CABCOCO1: variants seen among roughly 807,000 people sequenced by gnomAD.
The protein encoded by CABCOCO1 is ciliary associated calcium binding coiled-coil 1, also known as ciliary-associated calcium-binding coiled-coil protein 1.
CABCOCO1 carries 28 observed loss-of-function variants against 35.7 expected under a neutral mutation model. The observed-to-expected ratio is 0.78, with a 90% CI of 0.58 to 1.07. The LOEUF (loss-of-function observed/expected upper bound fraction) is 1.07, where lower values mean the gene tolerates loss of function less well. CABCOCO1 is among the 50% of genes least tolerant of loss of function. CABCOCO1 has a pLI of 0.00. For missense variants in CABCOCO1, 326 were observed against 309.2 expected, an observed-to-expected ratio of 1.05 and a Z score of -0.41; for synonymous variants, 95 against 100.1, an observed-to-expected ratio of 0.95 and a Z score of 0.30.
intron 5 of CABCOCO1, among the ~76,000 whole-genome samples, chr10:61,739,856 C>T (rs1446372406): frequency 2.0e-5 from 3 of 152,130 alleles, no homozygotes; most frequent in African/African-American, 7.2e-5. Context: ...GCAGGAGAAT[C>T]GCTTGAACCC....
At chr10:61,694,723 A>T (rs930724883) in intron 5 of CABCOCO1, among the ~76,000 whole-genome samples, 1 of 152,102 alleles carries the variant, frequency 6.6e-6, no homozygotes, top group Non-Finnish European at 1.5e-5. Flanking sequence ...ATGGGCATCT[A>T]CAAGTTTGGA....
chr10:61,720,520 C>T (rs1389346773), intron 5 of CABCOCO1, among the ~76,000 whole-genome samples: 1 of 152,008 alleles, frequency 6.6e-6, no homozygotes, highest in Non-Finnish European at 1.5e-5. Context: ...CACAATCTAG[C>T]CAATATACAG....
rs372569964 is a variant in CABCOCO1 at position 61,684,983 on chromosome 10, G to A, written c.335-1058G>A. On this transcript the variant is annotated intron_variant, in intron 3 of 7. Coordinates refer to ENST00000648843, the MANE Select transcript of CABCOCO1 (RefSeq NM_001366906.2). ...GACAAATGCCACAGAAGACGGTTTC[G>A]GGTGTTTGTTTTCATTGGTGTGTAG... 9.9e-5 allele frequency: 15 copies of A among 152,218 alleles called. No homozygotes were observed. The East Asian group carries it at 2.5e-3, about 25-fold the overall frequency. The allele number at this position is 152,218 out of a possible 1,614,324, so 9.4% of individuals were successfully genotyped here.
At chr10:61,669,927 T>C (rs1369105625) in intron 1 of CABCOCO1, among the ~76,000 whole-genome samples, 1 of 152,168 alleles carries the variant, frequency 6.6e-6, no homozygotes, top group Non-Finnish European at 1.5e-5. Flanking sequence ...TGATATTTAA[T>C]ATGAATTAAA....
Position 61,662,942 on chromosome 10 carries a change from G to C in CABCOCO1, c.-31G>C, listed in dbSNP as rs1159803345. 2 of 391,532 alleles carry C rather than the reference G, an allele frequency of 5.1e-6. No individual in the cohort carries two copies. Among genetic ancestry groups the C allele is most frequent in the Admixed American group, 6.2e-5 (2 of 32,386 alleles). 24.3% of individuals were successfully genotyped at this position (391,532 alleles called of 1,614,324 possible). On this transcript the variant is annotated 5_prime_UTR_variant, in exon 1 of 8. Transcript: ENST00000648843. ...CCCACCCCAGTTGCCTAGGTGACGA[G>C]GGGCCGCTTCTCTCGGCCGAGATTG...
At chr10:61,699,835 A>C (rs954566615) in intron 5 of CABCOCO1, among the ~76,000 whole-genome samples, 2 of 152,150 alleles carry the variant, frequency 1.3e-5, no homozygotes, top group African/African-American at 4.8e-5. Flanking sequence ...CTGTAATTCC[A>C]TGAGATCTGG....
chr10:61,676,197 T>C (rs921395789), intron 2 of CABCOCO1, among the ~76,000 whole-genome samples: 2 of 152,166 alleles, frequency 1.3e-5, no homozygotes, highest in Non-Finnish European at 2.9e-5. Context: ...GACATTGCAA[T>C]ATAGAGAACA....
At chr10:61,744,224 G>A (rs950111564) in intron 5 of CABCOCO1, among the ~76,000 whole-genome samples, 2 of 152,140 alleles carry the variant, frequency 1.3e-5, no homozygotes, top group South Asian at 2.1e-4. Flanking sequence ...GAAGAGGGCA[G>A]GAGGAATGTT....
At chr10:61,680,446 T>C (rs1200393766) in intron 2 of CABCOCO1, among the ~76,000 whole-genome samples, 1 of 64,026 alleles carries the variant, frequency 1.6e-5, no homozygotes, top group Non-Finnish European at 3.8e-5. Context: ...ATATATAATA[T>C]ATTTTATATA....
chr10:61,679,952 T>C (rs1341583723), intron 2 of CABCOCO1, among the ~76,000 whole-genome samples: 3 of 151,708 alleles, frequency 2.0e-5, no homozygotes, highest in African/African-American at 7.2e-5. Context: ...AATTTTAAGG[T>C]TGAAGAGAAA....
At chr10:61,676,008 G>A (rs1839502408) in intron 2 of CABCOCO1, among the ~76,000 whole-genome samples, 1 of 152,074 alleles carries the variant, frequency 6.6e-6, no homozygotes, top group Non-Finnish European at 1.5e-5. Context: ...AAATTTTTGT[G>A]GGATAAATTT....
rs540290442 is a variant in CABCOCO1, at chr10:61,688,354, A to G, written c.479+2169A>G. Among the ~76,000 whole-genome samples the G allele has an allele frequency of 1.8e-3, 281 of 152,306 alleles. 1 individual carries two copies. Among genetic ancestry groups the G allele is most frequent in the African/African-American group, 6.5e-3 (272 of 41,568 alleles). On this transcript the variant is annotated intron_variant, in intron 4 of 7. Coordinates refer to ENST00000648843, the MANE Select transcript of CABCOCO1 (RefSeq NM_001366906.2). ...GAGCAGTTTTTAGAACATGACCCATACCACATGAAACTTAACTGACAATAA... is the reference window on the plus strand; with the variant it reads ...GAGCAGTTTTTAGAACATGACCCATGCCACATGAAACTTAACTGACAATAA...
At chr10:61,684,730 T>C (rs1839903125) in intron 3 of CABCOCO1, among the ~76,000 whole-genome samples, 1 of 152,278 alleles carries the variant, frequency 6.6e-6, no homozygotes, top group South Asian at 2.1e-4. Flanking sequence ...CTCTGTCTTA[T>C]GTCCACACAC....
chr10:61,677,077 T>TAATAATAATAATAATAATAAG (rs1839536657), intron 2 of CABCOCO1, among the ~76,000 whole-genome samples: 1 of 150,464 alleles, frequency 6.6e-6, no homozygotes, highest in Non-Finnish European at 1.5e-5. Context: ...AAAATAATAA[T>TAATAATAATAATAATAATAAG]AATAATAATA....
intron 3 of CABCOCO1, chr10:61,685,004 T>C (rs1262910150): frequency 1.3e-5 from 2 of 152,196 alleles, no homozygotes; most frequent in Admixed American, 6.5e-5. Context: ...TTCATTGGTG[T>C]GTAGCTGTGA....
chr10:61,731,761 A>G (rs1244295180), intron 5 of CABCOCO1, among the ~76,000 whole-genome samples: 1 of 94,808 alleles, frequency 1.1e-5, no homozygotes, highest in Non-Finnish European at 1.9e-5. Context: ...GGGAGGACAG[A>G]GGGAGGAAGG....
intron 3 of CABCOCO1, 64 bp from the exon 4 acceptor site, chr10:61,685,977 G>A: frequency 7.0e-7 from 1 of 1,428,296 alleles, no homozygotes; most frequent in Middle Eastern, 1.8e-4. Flanking sequence ...AAACATCTTG[G>A]ATTATCTTAT....
chr10:61,752,327 C>T (rs956775798), intron 5 of CABCOCO1, among the ~76,000 whole-genome samples: 3 of 140,664 alleles, frequency 2.1e-5, no homozygotes, highest in Admixed American at 7.3e-5. Flanking sequence ...GTGCCTAATA[C>T]GGTTAAAGAA....
chr10:61,710,546 A>G (rs953863805), intron 5 of CABCOCO1, among the ~76,000 whole-genome samples: 1 of 152,008 alleles, frequency 6.6e-6, no homozygotes, highest in African/African-American at 2.4e-5. Context: ...AAAATGCTTC[A>G]TCCAAAAACT....
Sources: gnomAD v4.1 joint callset for allele counts (sites outside exome capture counted in the v4.1 genomes callset) on GRCh38, gnomAD v4.1.1 for gene constraint, MANE v1.5 for transcripts, NCBI Gene and HGNC (gene_info 2026-07-23, HGNC 2026-07-21) for gene names.